The following NDUFB11 variants were observed in gnomAD, a reference collection of about 807,000 sequenced individuals.
The protein encoded by NDUFB11 is NADH:ubiquinone oxidoreductase subunit B11.
For synonymous variants in NDUFB11, 51 were observed against 57.4 expected (o/e 0.89, Z 0.51); for missense variants, 108 against 133.8 (o/e 0.81, Z 0.95).
In NDUFB11 at chrX:47,144,338, G is replaced by C; in HGVS notation, c.207+135C>G. Reference sequence around the variant, plus strand: ...AACACAAGGTAGGCAAAATTCCCAAGTCTTCTAGGCTTTCGCCGGCCGCGC... The same window carrying C: ...AACACAAGGTAGGCAAAATTCCCAACTCTTCTAGGCTTTCGCCGGCCGCGC... On this transcript the variant is annotated intron_variant, in intron 1 of 2. Coordinates refer to ENST00000377811, the MANE Select transcript of NDUFB11 (RefSeq NM_001135998.3). 1.3e-5 allele frequency: 6 copies of C among 449,114 alleles called. 1 individual carries two copies. Among genetic ancestry groups the C allele is most frequent in the Non-Finnish European group, 2.0e-5 (6 of 303,582 alleles). 37.0% of individuals were successfully genotyped at this position (449,114 alleles called of 1,213,427 possible).
At chrX:47,145,105 G>A, upstream of NDUFB11, 1 of 341,197 alleles carries the variant, frequency 2.9e-6, no homozygotes, top group East Asian at 4.7e-5. Context: ...TCTCCACTAG[G>A]GGAGCGTTCG....
chrX:47,144,445 T>TGCCCCCCCCCCCCCCCCCC, intron 1 of NDUFB11, 28 bp downstream of exon 1: 1 of 61,005 alleles, frequency 1.6e-5, no homozygotes, highest in Non-Finnish European at 2.6e-5. Context: ...CCGTCCCCAC[T>TGCCCCCCCCCCCCCCCCCC]ACCCCCCCCC....
In NDUFB11 at chrX:47,144,621, C is replaced by T; in HGVS notation, c.59G>A (p.Arg20Gln). The T allele has an allele frequency of 1.7e-6, 2 of 1,191,183 alleles. No individual in the cohort carries two copies. The highest frequency in any genetic ancestry group is 3.5e-5 in the African/African-American group (2 of 57,136). The change falls in exon 1 of 3, where the codon CGA becomes CAA. Residue 20 changes from arginine to glutamine, a missense_variant. Transcript: ENST00000377811. The stretch of plus-strand genomic sequence containing the variant: ...GCGGACGCGGGCGGCCGGGAGCCCT[C>T]GCGTCGCCGCTGCCGCCAAAAGACG... ...ARRLLAAAAT[R>Q]GLPAARVRWE...
chrX:47,145,446 G>C, upstream of NDUFB11: 2 of 1,154,589 alleles, frequency 1.7e-6, no homozygotes, highest in East Asian at 6.5e-5. Context: ...GGGCAGAGGT[G>C]ATGTCTGGGA....
At chrX:47,142,482 A>AATAG in intron 2 of NDUFB11, 42 bp from the exon 3 acceptor site, 4 of 1,207,701 alleles carry the variant, frequency 3.3e-6, no homozygotes, top group Non-Finnish European at 4.5e-6. Context: ...GGGAGCCTCA[A>AATAG]CTGATACCAA....
rs1556760563 is a variant in NDUFB11 at position 47,142,268 on chromosome X, G to A, written c.*49C>T. 8.4e-7 allele frequency: 1 copy of A among 1,185,342 alleles called. No individual in the cohort carries two copies. The highest frequency in any genetic ancestry group is 3.0e-5 in the East Asian group (1 of 33,155). On this transcript the variant is annotated 3_prime_UTR_variant, in exon 3 of 3. Coordinates refer to ENST00000377811, the MANE Select transcript of NDUFB11 (RefSeq NM_001135998.3). Reference sequence around the variant, plus strand: ...GCTCTGAGAAGAGGTCAGAATGGCAGGCAGGGGGTGGGGAAGGCGGTGCTT... The same window carrying A: ...GCTCTGAGAAGAGGTCAGAATGGCAAGCAGGGGGTGGGGAAGGCGGTGCTT...
Position 47,144,614 on chromosome X carries a change from G to A in NDUFB11, c.66C>T (p.Leu22=). The change falls in exon 1 of 3, where the codon CTC becomes CTT. Residue 22 remains leucine (L), a synonymous_variant. Transcript: ENST00000377811. ...RLLAAAATRG[L]PAARVRWESS... ...ATTCCCAGCGGACGCGGGCGGCCGG[G>A]AGCCCTCGCGTCGCCGCTGCCGCCA... 3.3e-6 allele frequency: 4 copies of A among 1,196,613 alleles called. No homozygotes were observed. The highest frequency in any genetic ancestry group is 4.5e-6 in the Non-Finnish European group (4 of 888,705).
In NDUFB11 at chrX:47,142,263, T is replaced by C; in HGVS notation, c.*54A>G. 1 of 1,181,621 alleles carries C rather than the reference T, an allele frequency of 8.5e-7. No homozygotes were observed. Reference sequence around the variant, plus strand: ...TAGGTGCTCTGAGAAGAGGTCAGAATGGCAGGCAGGGGGTGGGGAAGGCGG... The same window carrying C: ...TAGGTGCTCTGAGAAGAGGTCAGAACGGCAGGCAGGGGGTGGGGAAGGCGG... On this transcript the variant is annotated 3_prime_UTR_variant, in exon 3 of 3. Transcript: ENST00000377811.
intron 1 of NDUFB11, among the ~76,000 whole-genome samples, chrX:47,143,426 T>C (rs1440834725): frequency 1.8e-5 from 2 of 111,899 alleles, no homozygotes; most frequent in Non-Finnish European, 3.8e-5. Context: ...AGGCCCTCAA[T>C]ACATATTTAC....
At position 47,144,565 on chromosome X, in the gene NDUFB11, C is replaced by A; in HGVS notation, c.115G>T (p.Ala39Ser). The change falls in exon 1 of 3, where the codon GCC becomes TCC. Residue 39 changes from alanine to serine, a missense_variant. Coordinates refer to ENST00000377811, the MANE Select transcript of NDUFB11 (RefSeq NM_001135998.3). ...WESSFSRTVVAPSAVAGKRPP... is the reference protein window; with the variant it reads ...WESSFSRTVVSPSAVAGKRPP... ...CGCTTTCCCGCCACAGCGGACGGGG[C>A]GACCACAGTCCTGGAGAAGCTAGAT... 1.7e-6 allele frequency: 2 copies of A among 1,199,879 alleles called. No individual in the cohort carries two copies. Among genetic ancestry groups the A allele is most frequent in the Non-Finnish European group, 2.2e-6 (2 of 889,460 alleles).
chrX:47,142,605 C>A lies in NDUFB11; in HGVS notation c.338+9G>T. On this transcript the variant is annotated intron_variant, in intron 2 of 2. Transcript: ENST00000377811. ...TTACCCATCCCACGCTCTTGGACAC[C>A]CTGTGCACCTGTAGTCAGGCAGATA... The A allele has an allele frequency of 1.7e-6, 2 of 1,211,509 alleles. No individual in the cohort carries two copies. The highest frequency in any genetic ancestry group is 2.2e-6 in the Non-Finnish European group (2 of 895,406).
Position 47,142,349 on chromosome X carries a change from G to A in NDUFB11, c.430C>T (p.Pro144Ser). 5.0e-6 allele frequency: 6 copies of A among 1,210,619 alleles called. No individual in the cohort carries two copies. The highest frequency in any genetic ancestry group is 6.7e-6 in the Non-Finnish European group (6 of 895,131). Residue 144 changes from proline (P) to serine (S), a missense_variant, in exon 3 of 3, where the codon CCC (proline) becomes TCC (serine). Coordinates refer to ENST00000377811, the MANE Select transcript of NDUFB11 (RefSeq NM_001135998.3). ...LPIMESNCFD[P>S]SKIQLPEDE ...TCCTCTGGCAGCTGGATCTTGCTGG[G>A]GTCGAAGCAGTTGGATTCCATGATG... is the stretch of plus-strand genomic sequence containing the variant.
chrX:47,144,410 A>T, intron 1 of NDUFB11, 63 bp downstream of exon 1: 1 of 767,315 alleles, frequency 1.3e-6, no homozygotes, highest in Non-Finnish European at 1.7e-6. Context: ...CCATCTGCCG[A>T]TCCCGGACTG....
In NDUFB11 at chrX:47,144,460, C is replaced by CG; in HGVS notation, c.207+12_207+13insC. 1 of 384,618 alleles carries CG rather than the reference C, an allele frequency of 2.6e-6. No individual in the cohort carries two copies. Among genetic ancestry groups the CG allele is most frequent in the Non-Finnish European group, 3.3e-6 (1 of 307,245 alleles). The allele number at this position is 384,618 out of a possible 1,213,427, so 31.7% of individuals were successfully genotyped here. ...CCGTCCCCACTACCCCCCCCCCCCC[C>CG]CCCGCCTCTCACCTTCTCATACAAG... On this transcript the variant is annotated intron_variant, in intron 1 of 2. Transcript: ENST00000377811.
chrX:47,145,348 C>G (rs1051383146), upstream of NDUFB11: 55 of 940,159 alleles, frequency 5.9e-5, no homozygotes, highest in Non-Finnish European at 8.1e-5. Flanking sequence ...GGCGCTTCTC[C>G]CCTCCCCCCG....
chrX:47,142,870 C>G, intron 1 of NDUFB11, 126 bp from the exon 2 acceptor site: 2 of 788,623 alleles, frequency 2.5e-6, no homozygotes, highest in Non-Finnish European at 3.6e-6. Context: ...TGGGATATGT[C>G]AAGCTCCTTC....
intron 1 of NDUFB11, 138 bp downstream of exon 1, chrX:47,144,335 C>T: frequency 2.3e-6 from 1 of 442,179 alleles, no homozygotes; most frequent in South Asian, 8.4e-5. Flanking sequence ...GCAAAATTCC[C>T]AAGTCTTCTA....
chrX:47,142,595 T>A lies in NDUFB11; in HGVS notation c.338+19A>T. On this transcript the variant is annotated intron_variant, in intron 2 of 2. Coordinates refer to ENST00000377811, the MANE Select transcript of NDUFB11 (RefSeq NM_001135998.3). ...CCTCTGCCTCTTACCCATCCCACGC[T>A]CTTGGACACCCTGTGCACCTGTAGT... The A allele has an allele frequency of 1.7e-6, 2 of 1,211,235 alleles. No individual in the cohort carries two copies. The highest frequency in any genetic ancestry group is 2.2e-6 in the Non-Finnish European group (2 of 895,275).
chrX:47,145,142 C>T (rs1931995952), upstream of NDUFB11: 1 of 387,728 alleles, frequency 2.6e-6, no homozygotes, highest in South Asian at 4.3e-5. Context: ...GTGGCCAGCG[C>T]TTGCCAATCA....
Sources: gnomAD v4.1 joint callset for allele counts (sites outside exome capture counted in the v4.1 genomes callset) on GRCh38, gnomAD v4.1.1 for gene constraint, MANE v1.5 for transcripts, NCBI Gene and HGNC (gene_info 2026-07-23, HGNC 2026-07-21) for gene names.